Variants in TRPC4 observed in about 807,000 individuals in gnomAD.
The protein encoded by TRPC4 is short transient receptor potential channel 4.
TRPC4 carries 49 observed loss-of-function variants against 99.4 expected under a neutral mutation model. That is an observed-to-expected ratio of 0.49 (90% CI 0.39 to 0.63). The LOEUF is 0.63. Among genes scored for constraint, TRPC4 ranks in the 20% least tolerant of loss-of-function variants. The pLI, the probability that TRPC4 is intolerant of heterozygous loss-of-function variation, is 0.00. For missense variants in TRPC4, 898 were observed against 1,152.9 expected (o/e 0.78, Z 3.20); for synonymous variants, 454 against 425.9 (o/e 1.07, Z -0.81).
At chr13:37,714,642 C>T (rs1022410494) in intron 3 of TRPC4, among the ~76,000 whole-genome samples, 3 of 152,148 alleles carry the variant, frequency 2.0e-5, no homozygotes, top group Admixed American at 6.6e-5. Context: ...AGCTCACCCA[C>T]TAGCCTTGCT....
intron 7 of TRPC4, among the ~76,000 whole-genome samples, chr13:37,651,721 A>G (rs1952050670): frequency 6.6e-6 from 1 of 152,160 alleles, no homozygotes; most frequent in Admixed American, 6.5e-5. Flanking sequence ...TGTTAAAAAG[A>G]CTGCAGTAAT....
At chr13:37,658,678 C>T (rs967106822) in intron 6 of TRPC4, among the ~76,000 whole-genome samples, 1 of 152,142 alleles carries the variant, frequency 6.6e-6, no homozygotes, top group Non-Finnish European at 1.5e-5. Context: ...TAAGAAAGTA[C>T]CTTACCAGGG....
intron 3 of TRPC4, among the ~76,000 whole-genome samples, chr13:37,707,904 A>C (rs149437728): frequency 3.3e-5 from 5 of 152,262 alleles, no homozygotes. Context: ...AAAGCCAGAG[A>C]TGTAGGTCCC....
At chr13:37,642,579 T>C (rs1223311952) in intron 8 of TRPC4, among the ~76,000 whole-genome samples, 2 of 152,054 alleles carry the variant, frequency 1.3e-5, no homozygotes, top group Non-Finnish European at 2.9e-5. Flanking sequence ...AGCCTACTTC[T>C]AGGGAATGCA....
chr13:37,683,783 A>T (rs1284493522), intron 4 of TRPC4, among the ~76,000 whole-genome samples: 4 of 152,210 alleles, frequency 2.6e-5, no homozygotes, highest in African/African-American at 9.7e-5. Context: ...CCAGTGTTGG[A>T]GTTAAAGGAT....
At chr13:37,844,173 T>C (rs770176068) in intron 1 of TRPC4, among the ~76,000 whole-genome samples, 1 of 152,182 alleles carries the variant, frequency 6.6e-6, no homozygotes, top group Non-Finnish European at 1.5e-5. Flanking sequence ...GAGCTAATAG[T>C]GACCAGCTTG....
chr13:37,838,350 T>A (rs1958628012), intron 1 of TRPC4, among the ~76,000 whole-genome samples: 1 of 152,176 alleles, frequency 6.6e-6, no homozygotes, highest in African/African-American at 2.4e-5. Context: ...AATCCAACAC[T>A]TTGGGGCATA....
rs1330003708 is a variant in TRPC4, at chr13:37,632,713, C to A, written c.*4190G>T. The stretch of plus-strand genomic sequence containing the variant: ...ATAATTTAATACATTTTATTATTAC[C>A]AGTATGCATACAGGTTATCATAAAA... On this transcript the variant is annotated 3_prime_UTR_variant, in exon 11 of 11. Transcript: ENST00000379705. Among the ~76,000 whole-genome samples, 1 of 151,920 alleles carries A rather than the reference C, an allele frequency of 6.6e-6. No homozygotes were observed. The highest frequency in any genetic ancestry group is 1.5e-5 in the Non-Finnish European group (1 of 67,950).
At chr13:37,815,752 G>A (rs1258473125) in intron 1 of TRPC4, among the ~76,000 whole-genome samples, 1 of 151,680 alleles carries the variant, frequency 6.6e-6, no homozygotes, top group Non-Finnish European at 1.5e-5. Context: ...GAACTTGACA[G>A]TTGATCAAAC....
intron 3 of TRPC4, among the ~76,000 whole-genome samples, chr13:37,745,682 A>G (rs1955754631): frequency 6.6e-6 from 1 of 151,648 alleles, no homozygotes; most frequent in Non-Finnish European, 1.5e-5. Context: ...ACATACTAAA[A>G]TTCATTAGTT....
Position 37,746,141 on chromosome 13 carries a change from G to A in TRPC4, c.693C>T (p.Ser231=), listed in dbSNP as rs1413490683. The A allele has an allele frequency of 6.2e-7, 1 of 1,613,744 alleles. No homozygotes were observed. The highest frequency in any genetic ancestry group is 1.1e-5 in the South Asian group (1 of 91,080). ...CCGACTTGAATTCATTTTCCACCTT[G>A]CTCAGTTCCTGAAGTTCCCAACTTA... ...FQLSWELQEL[S]KVENEFKSEY... is the part of the protein sequence containing the mutation. Residue 231 remains serine (S), a synonymous_variant, in exon 3 of 11, where the codon AGC becomes AGT. Transcript: ENST00000379705.
chr13:37,861,415 G>A (rs1301379038), intron 1 of TRPC4, among the ~76,000 whole-genome samples: 1 of 151,538 alleles, frequency 6.6e-6, no homozygotes, highest in Admixed American at 6.6e-5. Flanking sequence ...CAGCAATGTA[G>A]TAACTGATAA....
At chr13:37,712,407 C>T (rs553068997) in intron 3 of TRPC4, among the ~76,000 whole-genome samples, 1 of 152,240 alleles carries the variant, frequency 6.6e-6, no homozygotes, top group Non-Finnish European at 1.5e-5. Flanking sequence ...GATTTCTGTT[C>T]CTAGGATGGA....
chr13:37,667,338 G>T (rs980779720), intron 5 of TRPC4, among the ~76,000 whole-genome samples: 2 of 152,068 alleles, frequency 1.3e-5, no homozygotes, highest in Admixed American at 6.5e-5. Flanking sequence ...ACGTAGTCTT[G>T]CTCTGTCGCC....
At chr13:37,702,007 C>A (rs73456486) in intron 3 of TRPC4, among the ~76,000 whole-genome samples, 5 of 152,022 alleles carry the variant, frequency 3.3e-5, no homozygotes, top group Non-Finnish European at 7.4e-5. Context: ...GTGTTGGCAG[C>A]GCCATGCTTT....
At chr13:37,668,605 A>C (rs979156384) in intron 5 of TRPC4, among the ~76,000 whole-genome samples, 2 of 152,198 alleles carry the variant, frequency 1.3e-5, no homozygotes, top group African/African-American at 4.8e-5. Flanking sequence ...GTTAAGAGAG[A>C]AAGATGAACT....
At chr13:37,646,544 GT>G (rs1951865960) in intron 8 of TRPC4, among the ~76,000 whole-genome samples, 1 of 152,102 alleles carries the variant, frequency 6.6e-6, no homozygotes, top group African/African-American at 2.4e-5. Flanking sequence ...GCCTGGCTTC[GT>G]TTTAGCTTAA....
intron 10 of TRPC4, among the ~76,000 whole-genome samples, chr13:37,638,184 C>A (rs1190797668): frequency 6.6e-6 from 1 of 151,848 alleles, no homozygotes; most frequent in East Asian, 1.9e-4. Context: ...TTTCCCTTGT[C>A]TTTTGGGACA....
intron 8 of TRPC4, among the ~76,000 whole-genome samples, chr13:37,650,735 A>C (rs1797122856): frequency 6.6e-6 from 1 of 152,150 alleles, no homozygotes; most frequent in South Asian, 2.1e-4. Context: ...CACACTTAAC[A>C]GTTGGCACAG....
Sources: allele counts gnomAD v4.1 joint callset (sites outside exome capture counted in the v4.1 genomes callset), GRCh38; gene constraint gnomAD v4.1.1; transcripts MANE v1.5; gene names NCBI Gene and HGNC (gene_info 2026-07-23, HGNC 2026-07-21).